SMOC2: variants seen among roughly 807,000 people sequenced by gnomAD.
SMOC2 encodes SPARC-related modular calcium-binding protein 2.
Under a neutral mutation model 61.4 loss-of-function variants are expected in SMOC2, and 39 were observed. The ratio of observed to expected loss-of-function variants is 0.64; its 90% CI spans 0.49 to 0.83. The LOEUF is 0.83. Among genes scored for constraint, SMOC2 ranks in the 40% least tolerant of loss-of-function variants. SMOC2 has a pLI of 0.00. For synonymous variants in SMOC2, 247 were observed against 239.9 expected, an observed-to-expected ratio of 1.03 and a Z score of -0.27; for missense variants, 556 against 592.9, an observed-to-expected ratio of 0.94 and a Z score of 0.65.
intron 4 of SMOC2, 71 bp from the exon 5 acceptor site, chr6:168,543,554 A>G (rs374197451): frequency 1.4e-5 from 19 of 1,364,524 alleles, no homozygotes; most frequent in Admixed American, 7.3e-5. Context: ...AAATATGTGC[A>G]TAACTTAATT....
chr6:168,478,433 A>G (rs1019677549), intron 1 of SMOC2, among the ~76,000 whole-genome samples: 3 of 152,224 alleles, frequency 2.0e-5, no homozygotes, highest in African/African-American at 7.2e-5. Flanking sequence ...GAGGAGGTCA[A>G]TGTGGGTAAG....
At chr6:168,660,526 A>T (rs1426240216) in intron 11 of SMOC2, among the ~76,000 whole-genome samples, 3 of 152,248 alleles carry the variant, frequency 2.0e-5, no homozygotes, top group Non-Finnish European at 4.4e-5. Flanking sequence ...CGCTTCATGC[A>T]AGTGACTACA....
intron 7 of SMOC2, among the ~76,000 whole-genome samples, chr6:168,567,573 G>A (rs1784572364): frequency 6.6e-6 from 1 of 151,926 alleles, no homozygotes; most frequent in Admixed American, 6.6e-5. Flanking sequence ...ATAAAATATT[G>A]AACACCTCTG....
At chr6:168,653,871 A>G (rs1787270500) in intron 11 of SMOC2, among the ~76,000 whole-genome samples, 1 of 110,050 alleles carries the variant, frequency 9.1e-6, no homozygotes, top group African/African-American at 3.9e-5. Flanking sequence ...CTGAGCTCCA[A>G]CCAGATGTTA....
At chr6:168,461,473 G>C (rs1781718036) in intron 1 of SMOC2, among the ~76,000 whole-genome samples, 1 of 152,128 alleles carries the variant, frequency 6.6e-6, no homozygotes, top group African/African-American at 2.4e-5. Context: ...ACCTAAAAAT[G>C]AACTTTTATG....
At chr6:168,509,202 C>T (rs777301717) in intron 1 of SMOC2, among the ~76,000 whole-genome samples, 3 of 152,184 alleles carry the variant, frequency 2.0e-5, no homozygotes, top group Non-Finnish European at 4.4e-5. Context: ...AGATGAAGGG[C>T]CTGGGGCCAC....
intron 9 of SMOC2, among the ~76,000 whole-genome samples, chr6:168,633,510 G>T (rs1416090612): frequency 1.3e-5 from 2 of 152,066 alleles, no homozygotes; most frequent in Non-Finnish European, 2.9e-5. Context: ...TTGAACTATT[G>T]TAAAGAAAGA....
intron 1 of SMOC2, among the ~76,000 whole-genome samples, chr6:168,494,067 C>A (rs1429644843): frequency 1.3e-5 from 2 of 152,132 alleles, no homozygotes; most frequent in Non-Finnish European, 2.9e-5. Context: ...CCATCATAAA[C>A]CTCATTGTTT....
chr6:168,580,350 A>G (rs9456217), intron 7 of SMOC2, among the ~76,000 whole-genome samples: 55,365 of 152,002 alleles, frequency 0.36, 10,133 homozygotes, highest in Middle Eastern at 0.42. Context: ...TTTCACGGGT[A>G]TTCCTGGAGA....
intron 9 of SMOC2, among the ~76,000 whole-genome samples, chr6:168,622,543 G>A (rs962191803): frequency 2.0e-5 from 3 of 152,018 alleles, no homozygotes; most frequent in Admixed American, 6.6e-5. Context: ...TTTCTTGCAC[G>A]TACCATTTCC....
rs554246386 is a variant in SMOC2, at chr6:168,600,414, A to C, written c.824+1410A>C. On this transcript the variant is annotated intron_variant, in intron 8 of 12. Transcript: ENST00000356284. Reference sequence around the variant, plus strand: ...AAGAGCGAAACTCTGCCTCAAAAAAAAAAAAAACAAAAAAAAAAACAAAAA... The same window carrying C: ...AAGAGCGAAACTCTGCCTCAAAAAACAAAAAAACAAAAAAAAAAACAAAAA... 2.9e-4 allele frequency among the ~76,000 whole-genome samples: 7 copies of C among 24,524 alleles called. 1 individual carries two copies. In the South Asian group the frequency reaches 6.0e-3, roughly 21 times the overall value. 16.1% of individuals were successfully genotyped at this position (24,524 alleles called of 152,430 possible).
rs80028752 is a variant in SMOC2, at chr6:168,545,641, C to T, written c.512-1478C>T. Reference sequence around the variant, plus strand: ...CCAGAATCAGGGCTGGGAGGAGGAACGGCCAGTGGGCCCATTACTCACCCT... The same window carrying T: ...CCAGAATCAGGGCTGGGAGGAGGAATGGCCAGTGGGCCCATTACTCACCCT... On this transcript the variant is annotated intron_variant, in intron 5 of 12. Coordinates refer to ENST00000356284, the MANE Select transcript of SMOC2 (RefSeq NM_001166412.2). Among the ~76,000 whole-genome samples, 1,503 of 152,256 alleles carry T rather than the reference C, an allele frequency of 9.9e-3. 23 individuals are homozygous for T. Among genetic ancestry groups the T allele is most frequent in the African/African-American group, 0.033 (1,386 of 41,552 alleles).
At chr6:168,581,939 AC>A (rs1034493760) in intron 7 of SMOC2, among the ~76,000 whole-genome samples, 19 of 151,526 alleles carry the variant, frequency 1.3e-4, no homozygotes, top group African/African-American at 4.6e-4. Flanking sequence ...GCCTTCTCTG[AC>A]CCCCCTTTCC....
Position 168,452,748 on chromosome 6 carries a change from A to G in SMOC2, c.84+11294A>G, listed in dbSNP as rs1366262333. Among the ~76,000 whole-genome samples, 1 of 152,134 alleles carries G rather than the reference A, an allele frequency of 6.6e-6. No homozygotes were observed. Among genetic ancestry groups the G allele is most frequent in the African/African-American group, 2.4e-5 (1 of 41,432 alleles). On this transcript the variant is annotated intron_variant, in intron 1 of 12. Coordinates refer to ENST00000356284, the MANE Select transcript of SMOC2 (RefSeq NM_001166412.2). This position sits in a 1 kb window ranked among gnomAD's most constrained non-coding sequence, Gnocchi z 5.0. ...CCTTCCCTCATTTCTACTACCTTTTAATTTCGTTTTGTTTTGTTAAATTCC... is the reference window on the plus strand; with the variant it reads ...CCTTCCCTCATTTCTACTACCTTTTGATTTCGTTTTGTTTTGTTAAATTCC...
chr6:168,625,364 A>T (rs1786377030), intron 9 of SMOC2, among the ~76,000 whole-genome samples: 1 of 152,164 alleles, frequency 6.6e-6, no homozygotes, highest in Non-Finnish European at 1.5e-5. Context: ...GGAACGCTGG[A>T]GCAGGTTGTG....
At position 168,453,154 on chromosome 6, in the gene SMOC2, C is replaced by A. The variant is rs1004016172; in HGVS notation, c.84+11700C>A. ...AGTGTGGCTTGAATCTGCTGTCCGA[C>A]GCAGGCAGGTGCAGGCTGTTCTAGA... On this transcript the variant is annotated intron_variant, in intron 1 of 12. Coordinates refer to ENST00000356284, the MANE Select transcript of SMOC2 (RefSeq NM_001166412.2). The surrounding 1 kb of genome is among the most constrained non-coding windows in gnomAD (Gnocchi z 4.4). 6.7e-6 allele frequency among the ~76,000 whole-genome samples: 1 copy of A among 149,840 alleles called. No individual in the cohort carries two copies. Among genetic ancestry groups the A allele is most frequent in the African/African-American group, 2.5e-5 (1 of 40,752 alleles).
intron 1 of SMOC2, among the ~76,000 whole-genome samples, chr6:168,443,669 C>T (rs1781268060): frequency 6.6e-6 from 1 of 152,170 alleles, no homozygotes; most frequent in African/African-American, 2.4e-5. Flanking sequence ...CAGGATTTTT[C>T]AGTGTGCTCA....
intron 7 of SMOC2, among the ~76,000 whole-genome samples, chr6:168,581,658 G>A (rs1048298629): frequency 6.6e-6 from 1 of 152,184 alleles, no homozygotes; most frequent in Non-Finnish European, 1.5e-5. Flanking sequence ...TGATAAGAAA[G>A]GGAGAACAAT....
intron 1 of SMOC2, among the ~76,000 whole-genome samples, chr6:168,489,789 A>G (rs923298228): frequency 6.6e-6 from 1 of 151,748 alleles, no homozygotes; most frequent in South Asian, 2.1e-4. Flanking sequence ...TTTAGAGTGA[A>G]ATATATGGAA....
Sources: gnomAD v4.1 joint callset for allele counts (sites outside exome capture counted in the v4.1 genomes callset) on GRCh38, gnomAD v4.1.1 for gene constraint, Gnocchi (gnomAD v3.1) non-coding constraint, MANE v1.5 for transcripts, NCBI Gene and HGNC (gene_info 2026-07-23, HGNC 2026-07-21) for gene names.